Variants in GLRA3 observed in about 807,000 individuals in gnomAD.
GLRA3 encodes the protein glycine receptor subunit alpha-3.
A neutral mutation model predicts 60.4 loss-of-function variants in GLRA3; 44 were observed. The observed-to-expected ratio is 0.73, with a 90% confidence interval of 0.57 to 0.94. The LOEUF is 0.94. Ranked by LOEUF, GLRA3 falls within the 40% of genes least tolerant of loss-of-function variation. GLRA3 has a pLI of 0.00. For missense variants in GLRA3, 508 were observed against 564.6 expected (o/e 0.90, Z 1.02); for synonymous variants, 223 against 192.9 (o/e 1.16, Z -1.29).
In GLRA3 at chr4:174,787,416, G is replaced by A. The variant is rs141562830; in HGVS notation, c.199+1400C>T. Among the ~76,000 whole-genome samples the A allele has an allele frequency of 9.2e-5, 14 of 152,028 alleles. No individual in the cohort carries two copies. In the East Asian group the frequency reaches 1.5e-3, roughly 17 times the overall value. On this transcript the variant is annotated intron_variant, in intron 2 of 9. Coordinates refer to ENST00000274093, the MANE Select transcript of GLRA3 (RefSeq NM_006529.4). ...GATCAACTACTAATTAGTTCTCAGC[G>A]GATTCACAGGAATACTGCTTTCCCT...
At chr4:174,673,378 GAATT>G (rs1471313575) in intron 7 of GLRA3, among the ~76,000 whole-genome samples, 1 of 151,904 alleles carries the variant, frequency 6.6e-6, no homozygotes, top group African/African-American at 2.4e-5. Flanking sequence ...AAAAATAATT[GAATT>G]ATTATTACTA....
At chr4:174,793,419 CATTCATTT>C (rs1412852296) in intron 1 of GLRA3, among the ~76,000 whole-genome samples, 1,424 of 89,790 alleles carry the variant, frequency 0.016, 27 homozygotes, top group African/African-American at 0.078. Flanking sequence ...TCAAAATTTA[CATTCATTT>C]ATTTATTTAT....
chr4:174,757,268 C>T (rs1422226775), intron 3 of GLRA3, among the ~76,000 whole-genome samples: 1 of 36,444 alleles, frequency 2.7e-5, no homozygotes, highest in East Asian at 1.2e-3. Flanking sequence ...TAAAATACAA[C>T]ATTTACACAC....
chr4:174,800,852 G>T (rs1331811173), intron 1 of GLRA3, among the ~76,000 whole-genome samples: 4 of 152,062 alleles, frequency 2.6e-5, no homozygotes, highest in Admixed American at 1.3e-4. Flanking sequence ...GCTGCCATTT[G>T]TTTGTTGTTG....
At chr4:174,770,670 C>T (rs1738344391) in intron 2 of GLRA3, among the ~76,000 whole-genome samples, 1 of 151,920 alleles carries the variant, frequency 6.6e-6, no homozygotes, top group African/African-American at 2.4e-5. Flanking sequence ...GAAGGATGAA[C>T]ATGTAATAAT....
At chr4:174,751,977 C>T (rs1395090938) in intron 3 of GLRA3, among the ~76,000 whole-genome samples, 1 of 151,902 alleles carries the variant, frequency 6.6e-6, no homozygotes, top group African/African-American at 2.4e-5. Context: ...AGAAACACTG[C>T]TTTAGGAGAA....
chr4:174,665,931 C>A (rs1733649781), intron 7 of GLRA3, among the ~76,000 whole-genome samples: 1 of 152,042 alleles, frequency 6.6e-6, no homozygotes, highest in Non-Finnish European at 1.5e-5. Context: ...CATATGGTAA[C>A]ACTTAATCCC....
At chr4:174,658,932 G>T (rs1733316823) in intron 8 of GLRA3, 122 bp downstream of exon 8, 4 of 804,348 alleles carry the variant, frequency 5.0e-6, no homozygotes, top group Admixed American at 5.3e-5. Flanking sequence ...AAAAATGAAA[G>T]GAATATTATA....
At chr4:174,661,705 T>A (rs934671319) in intron 7 of GLRA3, among the ~76,000 whole-genome samples, 1 of 152,184 alleles carries the variant, frequency 6.6e-6, no homozygotes, top group Non-Finnish European at 1.5e-5. Flanking sequence ...GGCAGCATCC[T>A]TGACTCTGGT....
intron 2 of GLRA3, among the ~76,000 whole-genome samples, chr4:174,774,100 G>T (rs1358928821): frequency 2.6e-5 from 4 of 151,922 alleles, no homozygotes; most frequent in African/African-American, 9.7e-5. Flanking sequence ...ACCTGAGGAA[G>T]GCTTCAGAGT....
At chr4:174,788,590 T>TAA (rs35640897) in intron 2 of GLRA3, among the ~76,000 whole-genome samples, 21,383 of 87,644 alleles carry the variant, frequency 0.24, 2,449 homozygotes, top group Non-Finnish European at 0.3. Context: ...GTTAGAGAAG[T>TAA]AAAAAAAAAA....
At chr4:174,733,511 C>G (rs936119853) in intron 3 of GLRA3, among the ~76,000 whole-genome samples, 2 of 152,170 alleles carry the variant, frequency 1.3e-5, no homozygotes, top group African/African-American at 4.8e-5. Context: ...CTCATAACCT[C>G]AGAACCTTCC....
chr4:174,653,337 A>G (rs1733086315), intron 9 of GLRA3, among the ~76,000 whole-genome samples: 1 of 152,038 alleles, frequency 6.6e-6, no homozygotes, highest in African/African-American at 2.4e-5. Flanking sequence ...TCAGTTTCAT[A>G]TATCTACACA....
At chr4:174,779,628 G>A (rs1398290101) in intron 2 of GLRA3, among the ~76,000 whole-genome samples, 2 of 152,156 alleles carry the variant, frequency 1.3e-5, no homozygotes, top group South Asian at 2.1e-4. Context: ...AGGAGCTGAC[G>A]GAGCTGAAAA....
intron 5 of GLRA3, among the ~76,000 whole-genome samples, chr4:174,687,824 A>G (rs1451502143): frequency 2.0e-5 from 3 of 152,200 alleles, no homozygotes; most frequent in Non-Finnish European, 4.4e-5. Flanking sequence ...GATATTTTCA[A>G]AATGACCAAA....
At chr4:174,719,010 T>G (rs537179485) in intron 4 of GLRA3, among the ~76,000 whole-genome samples, 5 of 129,114 alleles carry the variant, frequency 3.9e-5, no homozygotes, top group Non-Finnish European at 7.8e-5. Flanking sequence ...TCGCCCAGGC[T>G]GGAGTGCAGT....
intron 9 of GLRA3, 74 bp downstream of exon 9, chr4:174,656,669 G>A: frequency 1.3e-6 from 1 of 782,414 alleles, no homozygotes; most frequent in Non-Finnish European, 2.3e-6. Context: ...CACTGCCTTG[G>A]TAGTGCAGAA....
At chr4:174,699,345 T>C (rs749518251) in intron 5 of GLRA3, among the ~76,000 whole-genome samples, 7 of 152,074 alleles carry the variant, frequency 4.6e-5, no homozygotes, top group Non-Finnish European at 8.8e-5. Flanking sequence ...AAACAGAAAA[T>C]AATACTGCCA....
intron 5 of GLRA3, among the ~76,000 whole-genome samples, chr4:174,703,753 G>A (rs529900873): frequency 6.6e-6 from 1 of 152,120 alleles, no homozygotes; most frequent in Non-Finnish European, 1.5e-5. Flanking sequence ...CTGAAAATGA[G>A]CGGATTTATA....
Sources: allele counts gnomAD v4.1 joint callset (sites outside exome capture counted in the v4.1 genomes callset), GRCh38; gene constraint gnomAD v4.1.1; transcripts MANE v1.5; gene names NCBI Gene and HGNC (gene_info 2026-07-23, HGNC 2026-07-21).